Variants in NBDY observed in about 807,000 individuals in gnomAD.
The protein encoded by NBDY is negative regulator of P-body association.
At chrX:56,767,912 C>T (rs1452603209) in intron 2 of NBDY, among the ~76,000 whole-genome samples, 1 of 61,089 alleles carries the variant, frequency 1.6e-5, no homozygotes, top group Non-Finnish European at 3.0e-5. Flanking sequence ...TGAAGCGAGA[C>T]GAGAGAGGAA....
intron 2 of NBDY, among the ~76,000 whole-genome samples, chrX:56,735,246 C>T (rs779365536): frequency 6.2e-5 from 7 of 112,153 alleles, no homozygotes; most frequent in South Asian, 7.4e-4. Context: ...ACAAGCAGGA[C>T]GATAACCATA....
rs1384407798 is a variant in NBDY, at chrX:56,764,189, G to T, written c.*166+31990G>T. On this transcript the variant is annotated intron_variant, in intron 2 of 2. Coordinates refer to ENST00000374922, the MANE Select transcript of NBDY (RefSeq NM_001348129.2). ...CATCTCCAGGTACTGCTGGTCCTGG[G>T]TTGCCACGTCTCCAGTATCCCGAAG... Among the ~76,000 whole-genome samples, 4 of 112,464 alleles carry T rather than the reference G, an allele frequency of 3.6e-5. No individual in the cohort carries two copies. The East Asian group carries it at 1.1e-3, about 32-fold the overall frequency.
At chrX:56,764,186 T>A (rs2069653860) in intron 2 of NBDY, among the ~76,000 whole-genome samples, 1 of 112,395 alleles carries the variant, frequency 8.9e-6, no homozygotes, top group African/African-American at 3.2e-5. Flanking sequence ...CTGCTGGTCC[T>A]GGGTTGCCAC....
At chrX:56,747,522 G>A (rs2069563501) in intron 2 of NBDY, among the ~76,000 whole-genome samples, 1 of 111,697 alleles carries the variant, frequency 9.0e-6, no homozygotes, top group African/African-American at 3.3e-5. Context: ...ATGGTAGGTA[G>A]TTTTCCTGGA....
intron 2 of NBDY, among the ~76,000 whole-genome samples, chrX:56,762,446 G>A (rs775461551): frequency 2.7e-5 from 3 of 110,745 alleles, no homozygotes; most frequent in South Asian, 3.8e-4. Flanking sequence ...GTCCCTCTGC[G>A]TGCTAGGCAA....
intron 2 of NBDY, among the ~76,000 whole-genome samples, chrX:56,794,977 C>T (rs1030019025): frequency 8.9e-6 from 1 of 111,945 alleles, no homozygotes; most frequent in Non-Finnish European, 1.9e-5. Context: ...GGCACTCATT[C>T]GTGCCCAGAA....
At chrX:56,751,227 T>C (rs1394435862) in intron 2 of NBDY, among the ~76,000 whole-genome samples, 2 of 111,195 alleles carry the variant, frequency 1.8e-5, no homozygotes, top group Admixed American at 1.9e-4. Context: ...CCCTCTAACA[T>C]CTTTACACCC....
intron 2 of NBDY, among the ~76,000 whole-genome samples, chrX:56,792,327 G>T (rs1445082040): frequency 2.7e-5 from 3 of 111,276 alleles, no homozygotes; most frequent in Non-Finnish European, 5.6e-5. Context: ...TGAGCCATTA[G>T]GAGCTTTGGC....
At chrX:56,730,158 G>C (rs1457257011) in intron 1 of NBDY, among the ~76,000 whole-genome samples, 2 of 109,440 alleles carry the variant, frequency 1.8e-5, no homozygotes, top group African/African-American at 6.7e-5. Flanking sequence ...CTTGTTCAAG[G>C]TATTCAGGAA....
At chrX:56,732,500 A>C (rs929359008) in intron 2 of NBDY, among the ~76,000 whole-genome samples, 14 of 111,474 alleles carry the variant, frequency 1.3e-4, no homozygotes, top group African/African-American at 4.2e-4. Flanking sequence ...TATTTATTTT[A>C]TATGCTGGAG....
intron 2 of NBDY, among the ~76,000 whole-genome samples, chrX:56,739,443 AG>A (rs1293899424): frequency 9.4e-6 from 1 of 106,430 alleles, no homozygotes; most frequent in Non-Finnish European, 1.9e-5. Context: ...AAATAACAAG[AG>A]ATTTGGGAGT....
chrX:56,817,650 A>G lies in NBDY; in HGVS notation c.*497A>G, dbSNP rs781045681. On this transcript the variant is annotated 3_prime_UTR_variant, in exon 3 of 3. Coordinates refer to ENST00000374922, the MANE Select transcript of NBDY (RefSeq NM_001348129.2). ...ATATTTTATAAGAACTCCTATGTAA[A>G]GCATTACTAAAATTAGTGTTGAAAT... 8.9e-6 allele frequency: 1 copy of G among 112,510 alleles called. No individual in the cohort carries two copies. Among genetic ancestry groups the G allele is most frequent in the South Asian group, 3.6e-4 (1 of 2,767 alleles). The allele number at this position is 112,510 out of a possible 1,213,427, so 9.3% of individuals were successfully genotyped here.
intron 2 of NBDY, among the ~76,000 whole-genome samples, chrX:56,794,218 A>C (rs993707390): frequency 3.3e-4 from 37 of 111,588 alleles, no homozygotes; most frequent in Non-Finnish European, 6.4e-4. Context: ...GAGTCCACCC[A>C]GCCCCGCATA....
chrX:56,807,113 T>C (rs1435063325), intron 2 of NBDY, among the ~76,000 whole-genome samples: 1 of 111,896 alleles, frequency 8.9e-6, no homozygotes, highest in African/African-American at 3.3e-5. Context: ...CATCAAATAT[T>C]AGGTGGCTGT....
rs1441550477 is a variant in NBDY at position 56,767,652 on chromosome X, C to G, written c.*166+35453C>G. 7.9e-5 allele frequency among the ~76,000 whole-genome samples: 9 copies of G among 113,530 alleles called. No homozygotes were observed. In the Admixed American group the frequency reaches 8.3e-4, roughly 10 times the overall value. ...AGCAACTGGGCCAGCAGCTACTGTG[C>G]TCCACTTCTCGCCTATCTCTTCTCC... On this transcript the variant is annotated intron_variant, in intron 2 of 2. Transcript: ENST00000374922.
chrX:56,803,328 C>T (rs1382762203), intron 2 of NBDY, among the ~76,000 whole-genome samples: 1 of 111,892 alleles, frequency 8.9e-6, no homozygotes, highest in Non-Finnish European at 1.9e-5. Context: ...CCCACAGCTC[C>T]TTGGTTCACT....
intron 2 of NBDY, among the ~76,000 whole-genome samples, chrX:56,759,488 C>T (rs1243096117): frequency 9.0e-6 from 1 of 111,485 alleles, no homozygotes; most frequent in African/African-American, 3.3e-5. Context: ...TTCTTTTTCT[C>T]CCCACTTTTT....
chrX:56,749,376 T>C (rs1008812534), intron 2 of NBDY, among the ~76,000 whole-genome samples: 2 of 111,349 alleles, frequency 1.8e-5, no homozygotes, highest in African/African-American at 3.3e-5. Context: ...TCTATATATA[T>C]ATAAGCAAGT....
chrX:56,761,104 G>A (rs954695208), intron 2 of NBDY, among the ~76,000 whole-genome samples: 1 of 112,428 alleles, frequency 8.9e-6, no homozygotes, highest in Non-Finnish European at 1.9e-5. Flanking sequence ...TTGTGACTCT[G>A]ATTGTCAGAG....
Sources: allele counts gnomAD v4.1 joint callset (sites outside exome capture counted in the v4.1 genomes callset), GRCh38; gene constraint gnomAD v4.1.1; transcripts MANE v1.5; gene names NCBI Gene and HGNC (gene_info 2026-07-23, HGNC 2026-07-21).